Variants in MSRB3 observed in about 807,000 individuals in gnomAD.
The protein encoded by MSRB3 is methionine sulfoxide reductase B3.
In MSRB3, 13 loss-of-function variants were observed where a neutral mutation model predicts 21.0. The observed-to-expected ratio is 0.62, with a 90% confidence interval of 0.40 to 0.98. The LOEUF is 0.98. Ranked by LOEUF, MSRB3 falls within the 50% of genes least tolerant of loss-of-function variation. The pLI is 0.00. For synonymous variants in MSRB3, 87 were observed against 88.6 expected (o/e 0.98, Z 0.10); for missense variants, 199 against 230.3 (o/e 0.86, Z 0.88).
At chr12:65,304,054 T>C (rs997844212) in intron 1 of MSRB3, among the ~76,000 whole-genome samples, 3 of 152,164 alleles carry the variant, frequency 2.0e-5, no homozygotes, top group Admixed American at 6.6e-5. Flanking sequence ...ATTTGGGCTT[T>C]ATCAGAAGGA....
At chr12:65,336,797 T>C (rs555926018) in intron 4 of MSRB3, among the ~76,000 whole-genome samples, 1 of 152,376 alleles carries the variant, frequency 6.6e-6, no homozygotes, top group Non-Finnish European at 1.5e-5. Context: ...ATAATTCTTT[T>C]ATTGAAAAAT....
chr12:65,418,674 C>A, intron 5 of MSRB3: 5 of 655,216 alleles, frequency 7.6e-6, no homozygotes, highest in African/African-American at 1.8e-5. Flanking sequence ...AACCTCTGAA[C>A]TTTTTATTGG....
chr12:65,335,380 A>G (rs1180840816), intron 4 of MSRB3, among the ~76,000 whole-genome samples: 1 of 152,178 alleles, frequency 6.6e-6, no homozygotes, highest in African/African-American at 2.4e-5. Flanking sequence ...ACTCTGCTGC[A>G]AGACTGTTCA....
At chr12:65,411,195 A>G (rs1022456633) in intron 5 of MSRB3, among the ~76,000 whole-genome samples, 1 of 152,236 alleles carries the variant, frequency 6.6e-6, no homozygotes, top group Non-Finnish European at 1.5e-5. Flanking sequence ...GAAGTGGGAC[A>G]TACATCAAGT....
At chr12:65,337,112 G>A (rs1875815565) in intron 4 of MSRB3, among the ~76,000 whole-genome samples, 1 of 152,078 alleles carries the variant, frequency 6.6e-6, no homozygotes, top group Non-Finnish European at 1.5e-5. Context: ...GCGCAGTGGC[G>A]GGCGCCTGTA....
intron 5 of MSRB3, among the ~76,000 whole-genome samples, chr12:65,378,054 A>C (rs1272006862): frequency 6.6e-6 from 1 of 152,212 alleles, no homozygotes; most frequent in African/African-American, 2.4e-5. Context: ...TTTTTTTATG[A>C]TAAGCCACTA....
intron 5 of MSRB3, among the ~76,000 whole-genome samples, chr12:65,390,387 T>TA (rs578160697): frequency 1.5e-3 from 234 of 151,398 alleles, no homozygotes; most frequent in African/African-American, 2.9e-3. Flanking sequence ...AATAACCTAA[T>TA]AAAAAAAAAT....
intron 5 of MSRB3, among the ~76,000 whole-genome samples, chr12:65,407,512 C>T (rs968239992): frequency 1.3e-5 from 2 of 152,166 alleles, no homozygotes; most frequent in African/African-American, 4.8e-5. Flanking sequence ...AATTTGAATA[C>T]GATATTGCCA....
intron 5 of MSRB3, among the ~76,000 whole-genome samples, chr12:65,418,044 T>A: frequency 6.6e-6 from 1 of 152,210 alleles, no homozygotes; most frequent in Admixed American, 6.5e-5. Context: ...CAATTTTTTA[T>A]CATAATGGCT....
Position 65,463,279 on chromosome 12 carries a change from G to A in MSRB3, c.515G>A (p.Ser172Asn), listed in dbSNP as rs1883415125. 6.2e-7 allele frequency: 1 copy of A among 1,614,232 alleles called. No individual in the cohort carries two copies. The highest frequency in any genetic ancestry group is 1.7e-5 in the Admixed American group (1 of 60,032). ...ADSSGTAEGGSGVASPAQADK... is the reference protein window; with the variant it reads ...ADSSGTAEGGNGVASPAQADK... The stretch of plus-strand genomic sequence containing the variant: ...AGCAGTGGCACCGCCGAGGGAGGCA[G>A]TGGGGTCGCCAGCCCGGCCCAGGCA... Residue 172 changes from serine to asparagine, a missense_variant, in exon 7 of 7, where the codon AGT becomes AAT. Coordinates refer to ENST00000308259, the MANE Select transcript of MSRB3 (RefSeq NM_001031679.3).
chr12:65,398,856 A>C (rs573809135), intron 5 of MSRB3, among the ~76,000 whole-genome samples: 1 of 152,158 alleles, frequency 6.6e-6, no homozygotes, highest in Admixed American at 6.5e-5. Flanking sequence ...CCATCTATTA[A>C]ATAGGGAGTC....
At chr12:65,322,163 GA>G (rs1358644924) in intron 2 of MSRB3, among the ~76,000 whole-genome samples, 17 of 152,274 alleles carry the variant, frequency 1.1e-4, no homozygotes, top group African/African-American at 2.9e-4. Context: ...AATCCTGTAT[GA>G]AACTTGTCAC....
intron 1 of MSRB3, chr12:65,284,411 T>C (rs1872221653): frequency 6.6e-6 from 1 of 152,168 alleles, no homozygotes; most frequent in Non-Finnish European, 1.5e-5. Context: ...CAATTGGATA[T>C]TGGGAAAGAA....
intron 5 of MSRB3, among the ~76,000 whole-genome samples, chr12:65,431,908 A>T (rs1881895899): frequency 6.6e-6 from 1 of 152,108 alleles, no homozygotes; most frequent in East Asian, 1.9e-4. Context: ...TTCAAACAGC[A>T]TGGGACAAAC....
At chr12:65,409,431 GTATT>G (rs1880602072) in intron 5 of MSRB3, among the ~76,000 whole-genome samples, 1 of 151,914 alleles carries the variant, frequency 6.6e-6, no homozygotes, top group African/African-American at 2.4e-5. Context: ...ACAGTGTTAA[GTATT>G]TGTGTATCTA....
intron 5 of MSRB3, among the ~76,000 whole-genome samples, chr12:65,398,960 G>A (rs1879966735): frequency 6.6e-6 from 1 of 152,046 alleles, no homozygotes; most frequent in South Asian, 2.1e-4. Flanking sequence ...TGTTCTCTTG[G>A]TCTATATATC....
chr12:65,461,657 G>GCA, intron 6 of MSRB3, among the ~76,000 whole-genome samples: 1 of 152,268 alleles, frequency 6.6e-6, no homozygotes, highest in African/African-American at 2.4e-5. Context: ...ATTGTAATGA[G>GCA]CACTTTCTCT....
chr12:65,362,883 CTTTGAG>C (rs1565855648), intron 4 of MSRB3, among the ~76,000 whole-genome samples: 5 of 152,098 alleles, frequency 3.3e-5, no homozygotes, highest in African/African-American at 1.2e-4. Context: ...CGGTGAAGGC[CTTTGAG>C]TTACTTCTAG....
intron 5 of MSRB3, among the ~76,000 whole-genome samples, chr12:65,440,692 A>G (rs1882336925): frequency 6.6e-6 from 1 of 151,990 alleles, no homozygotes; most frequent in Admixed American, 6.6e-5. Flanking sequence ...CCCACAGTAT[A>G]CTACCAAGAA....
Sources: allele counts gnomAD v4.1 joint callset (sites outside exome capture counted in the v4.1 genomes callset), GRCh38; gene constraint gnomAD v4.1.1; transcripts MANE v1.5; gene names NCBI Gene and HGNC (gene_info 2026-07-23, HGNC 2026-07-21).